ASB4: variants seen among roughly 807,000 people sequenced by gnomAD.
The protein encoded by ASB4 is ankyrin repeat and SOCS box protein 4.
ASB4 carries 35 observed loss-of-function variants against 38.6 expected under a neutral mutation model. The ratio of observed to expected loss-of-function variants is 0.91; its 90% CI spans 0.69 to 1.20. The LOEUF is 1.20. ASB4 is among the 50% of genes most tolerant of loss of function. ASB4 has a pLI of 0.00. For synonymous variants in ASB4, 195 were observed against 201.3 expected, an observed-to-expected ratio of 0.97 and a Z score of 0.26; for missense variants, 557 against 527.2, an observed-to-expected ratio of 1.06 and a Z score of -0.55.
intron 1 of ASB4, among the ~76,000 whole-genome samples, chr7:95,494,019 A>G (rs1018769500): frequency 7.9e-5 from 12 of 152,248 alleles, no homozygotes; most frequent in African/African-American, 2.7e-4. Context: ...TCCTAAGTCC[A>G]GGAGCACATT....
upstream of ASB4, among the ~76,000 whole-genome samples, chr7:95,476,644 C>G (rs779170682): frequency 7.6e-4 from 116 of 152,160 alleles, no homozygotes; most frequent in Non-Finnish European, 1.2e-3. Flanking sequence ...TCTGTGGCTT[C>G]ACGCCTTTTT....
At chr7:95,508,987 T>C (rs1790446187) in intron 2 of ASB4, among the ~76,000 whole-genome samples, 1 of 152,172 alleles carries the variant, frequency 6.6e-6, no homozygotes, top group East Asian at 1.9e-4. Flanking sequence ...GGTATGACTG[T>C]GGGTTGGAGT....
Position 95,514,378 on chromosome 7 carries a change from C to G in ASB4, c.488-13435C>G, listed in dbSNP as rs185942287. On this transcript the variant is annotated intron_variant, in intron 2 of 4. Coordinates refer to ENST00000325885, the MANE Select transcript of ASB4 (RefSeq NM_016116.3). ...AAATACAGAAAAACTTACCAAAGCC[C>G]TTTAGCAATAGCTATGTAAACTAAA... is the stretch of plus-strand genomic sequence containing the variant. Among the ~76,000 whole-genome samples, 492 of 152,318 alleles carry G rather than the reference C, an allele frequency of 3.2e-3. 1 individual carries two copies. The highest frequency in any genetic ancestry group is 0.014 in the Middle Eastern group (4 of 294).
intron 3 of ASB4, among the ~76,000 whole-genome samples, chr7:95,534,582 C>T (rs1323947801): frequency 6.6e-6 from 1 of 152,122 alleles, no homozygotes; most frequent in Non-Finnish European, 1.5e-5. Flanking sequence ...GGTTGGTGCA[C>T]TTCCCATTAG....
the ASB4 span, among the ~76,000 whole-genome samples, chr7:95,545,302 C>T: frequency 6.6e-6 from 1 of 152,216 alleles, no homozygotes; most frequent in African/African-American, 2.4e-5. Context: ...TCTATGGCAC[C>T]TTTCTTTAAT....
At chr7:95,550,361 C>T in the ASB4 span, among the ~76,000 whole-genome samples, 8 of 152,098 alleles carry the variant, frequency 5.3e-5, no homozygotes, top group Admixed American at 2.6e-4. Flanking sequence ...GGGAACACGC[C>T]GTTCTCTCTG....
chr7:95,491,517 A>G (rs1467782909), intron 1 of ASB4, among the ~76,000 whole-genome samples: 6 of 152,246 alleles, frequency 3.9e-5, no homozygotes, highest in African/African-American at 9.6e-5. Flanking sequence ...AAAGACAAAT[A>G]CTAGGAATAA....
At chr7:95,516,712 A>G (rs1790588010) in intron 2 of ASB4, among the ~76,000 whole-genome samples, 1 of 152,240 alleles carries the variant, frequency 6.6e-6, no homozygotes, top group Non-Finnish European at 1.5e-5. Context: ...GTTTGGTTTA[A>G]TAAGCATTTA....
At chr7:95,529,099 A>G (rs1265547181) in intron 3 of ASB4, among the ~76,000 whole-genome samples, 1 of 152,224 alleles carries the variant, frequency 6.6e-6, no homozygotes, top group African/African-American at 2.4e-5. Context: ...AGAATCTAGC[A>G]GATGAGACAA....
chr7:95,472,180 G>T, the ASB4 span: 1 of 152,000 alleles, frequency 6.6e-6, no homozygotes, highest in African/African-American at 2.4e-5. Context: ...TCCCCAGGCT[G>T]AAGGAATTGG....
upstream of ASB4, among the ~76,000 whole-genome samples, chr7:95,481,176 C>G (rs1441961677): frequency 6.6e-6 from 1 of 152,064 alleles, no homozygotes; most frequent in Non-Finnish European, 1.5e-5. Context: ...CCTGGAAGAG[C>G]CTTGTTGACA....
the ASB4 span, among the ~76,000 whole-genome samples, chr7:95,472,499 T>G: frequency 6.6e-6 from 1 of 152,200 alleles, no homozygotes; most frequent in Non-Finnish European, 1.5e-5. Context: ...AGGTTCTATC[T>G]CCCTGTGATT....
chr7:95,536,650 GC>G, intron 4 of ASB4, 100 bp downstream of exon 4: 1 of 690,602 alleles, frequency 1.4e-6, no homozygotes, highest in Non-Finnish European at 2.4e-6. Flanking sequence ...TTTTGAGAAT[GC>G]CTTTAAAGCG....
intron 2 of ASB4, among the ~76,000 whole-genome samples, chr7:95,525,340 A>G (rs1268718648): frequency 6.6e-6 from 1 of 152,214 alleles, no homozygotes; most frequent in Non-Finnish European, 1.5e-5. Context: ...GTATTTTCAC[A>G]TTAAAAATAT....
At chr7:95,483,376 A>G (rs547711481), upstream of ASB4, among the ~76,000 whole-genome samples, 4 of 152,334 alleles carry the variant, frequency 2.6e-5, no homozygotes, top group East Asian at 7.7e-4. Flanking sequence ...CATGTATCCC[A>G]TATTCCCTGA....
chr7:95,529,968 G>C (rs1057414648), intron 3 of ASB4, among the ~76,000 whole-genome samples: 1 of 152,030 alleles, frequency 6.6e-6, no homozygotes, highest in Non-Finnish European at 1.5e-5. Context: ...GTCAGGTACT[G>C]TTCTATTTGC....
chr7:95,498,190 G>T (rs1293693503), intron 2 of ASB4, among the ~76,000 whole-genome samples: 1 of 152,140 alleles, frequency 6.6e-6, no homozygotes, highest in Non-Finnish European at 1.5e-5. Flanking sequence ...AAAAAATTAG[G>T]CTGGGCACGG....
At chr7:95,475,974 C>T (rs982714478), upstream of ASB4, among the ~76,000 whole-genome samples, 5 of 152,178 alleles carry the variant, frequency 3.3e-5, no homozygotes, top group Non-Finnish European at 7.3e-5. Context: ...ATATCAAGAT[C>T]CCAAGATCCT....
At chr7:95,490,467 A>G (rs1790155409) in intron 1 of ASB4, among the ~76,000 whole-genome samples, 1 of 152,246 alleles carries the variant, frequency 6.6e-6, no homozygotes, top group East Asian at 1.9e-4. Context: ...ATTGTGCTTC[A>G]GTCTGTAATC....
Sources: gnomAD v4.1 joint callset for allele counts (sites outside exome capture counted in the v4.1 genomes callset) on GRCh38, gnomAD v4.1.1 for gene constraint, MANE v1.5 for transcripts, NCBI Gene and HGNC (gene_info 2026-07-23, HGNC 2026-07-21) for gene names.